NCKAP1: variants seen among roughly 807,000 people sequenced by gnomAD.
NCKAP1 encodes nck-associated protein 1.
In NCKAP1, 21 loss-of-function variants were observed where a neutral mutation model predicts 151.2. That is an observed-to-expected ratio of 0.14 (90% CI 0.10 to 0.20). NCKAP1 has a LOEUF of 0.20. Ranked by LOEUF, NCKAP1 falls within the 10% of genes least tolerant of loss-of-function variation. The probability of loss-of-function intolerance (pLI) is 1.00; values close to 1 mark genes in which losing one functional copy is unlikely to be tolerated. For missense variants in NCKAP1, 933 were observed against 1,352.1 expected (o/e 0.69, Z 4.86); for synonymous variants, 484 against 451.8 (o/e 1.07, Z -0.90).
chr2:182,961,184 A>G (rs1337695116), intron 18 of NCKAP1, among the ~76,000 whole-genome samples: 5 of 152,128 alleles, frequency 3.3e-5, no homozygotes, highest in African/African-American at 7.2e-5. Context: ...CGATTCCTCA[A>G]GGATCTAGAA....
At chr2:183,035,805 T>C (rs1239857743) in intron 1 of NCKAP1, among the ~76,000 whole-genome samples, 2 of 151,946 alleles carry the variant, frequency 1.3e-5, no homozygotes, top group African/African-American at 2.4e-5. Context: ...TTATTAAAAC[T>C]AGAGCACACA....
intron 16 of NCKAP1, among the ~76,000 whole-genome samples, chr2:182,966,132 C>A (rs1697564794): frequency 6.6e-6 from 1 of 152,242 alleles, no homozygotes; most frequent in East Asian, 1.9e-4. Flanking sequence ...TCACTATCCA[C>A]TGAGATCATT....
chr2:182,962,528 T>C (rs1697477709), intron 17 of NCKAP1, among the ~76,000 whole-genome samples: 1 of 152,070 alleles, frequency 6.6e-6, no homozygotes, highest in African/African-American at 2.4e-5. Flanking sequence ...AATCAGTATT[T>C]TGCTTAACAT....
At chr2:183,033,799 C>A (rs1699050670) in intron 1 of NCKAP1, among the ~76,000 whole-genome samples, 1 of 152,120 alleles carries the variant, frequency 6.6e-6, no homozygotes, top group Non-Finnish European at 1.5e-5. Context: ...ACATATACAA[C>A]CCTACTTACA....
Position 182,928,228 on chromosome 2 carries a change from T to A in NCKAP1, c.3071-2A>T. The stretch of plus-strand genomic sequence containing the variant: ...AGCAATGTATGTTGTTGCAATGCCC[T>A]GAGAAAATGCAAATAGGGTTGTGTA... On this transcript the variant is annotated splice_acceptor_variant, in intron 28 of 30. Coordinates refer to ENST00000361354, the MANE Select transcript of NCKAP1 (RefSeq NM_013436.5). LOFTEE classifies it high-confidence loss of function. The A allele has an allele frequency of 6.2e-7, 1 of 1,600,662 alleles. No homozygotes were observed. Among genetic ancestry groups the A allele is most frequent in the Non-Finnish European group, 8.5e-7 (1 of 1,171,052 alleles).
intron 1 of NCKAP1, among the ~76,000 whole-genome samples, chr2:183,032,120 C>T (rs1329729215): frequency 6.6e-6 from 1 of 152,084 alleles, no homozygotes; most frequent in Non-Finnish European, 1.5e-5. Flanking sequence ...GAAAAACCTT[C>T]CAAGAGGATT....
intron 17 of NCKAP1, 95 bp from the exon 18 acceptor site, chr2:182,962,373 G>T (rs1002564789): frequency 1.1e-4 from 133 of 1,238,478 alleles, no homozygotes; most frequent in Non-Finnish European, 1.4e-4. Context: ...TAGGCTAAAG[G>T]TACATTCCGC....
At chr2:182,990,685 T>C (rs1315916082) in intron 8 of NCKAP1, among the ~76,000 whole-genome samples, 1 of 152,192 alleles carries the variant, frequency 6.6e-6, no homozygotes, top group Non-Finnish European at 1.5e-5. Flanking sequence ...CCATTTTCTT[T>C]GAGACTTCCC....
intron 30 of NCKAP1, 128 bp from the exon 31 acceptor site, chr2:182,925,946 T>C: frequency 2.2e-6 from 1 of 457,606 alleles, no homozygotes; most frequent in Non-Finnish European, 3.9e-6. Flanking sequence ...TTGTTCTTAT[T>C]AGCAATAGAC....
chr2:182,952,727 A>C (rs1266015937), intron 22 of NCKAP1, 66 bp downstream of exon 22: 1 of 1,445,852 alleles, frequency 6.9e-7, no homozygotes, highest in African/African-American at 1.4e-5. Context: ...AAGTCTAAAG[A>C]ATCAAGACAC....
intron 2 of NCKAP1, 128 bp downstream of exon 2, chr2:183,023,678 A>G: frequency 1.5e-6 from 1 of 661,524 alleles, no homozygotes; most frequent in Non-Finnish European, 2.5e-6. Flanking sequence ...AAAAACCCTT[A>G]AGGTATATAA....
chr2:182,969,937 A>G (rs1559086863), intron 15 of NCKAP1, among the ~76,000 whole-genome samples: 2 of 152,174 alleles, frequency 1.3e-5, no homozygotes, highest in African/African-American at 4.8e-5. Flanking sequence ...TCAGAAATAG[A>G]AAAGGAGACA....
chr2:182,939,328 G>T (rs1336254516), intron 24 of NCKAP1, among the ~76,000 whole-genome samples: 1 of 151,992 alleles, frequency 6.6e-6, no homozygotes, highest in African/African-American at 2.4e-5. Flanking sequence ...TCAGGAGTTC[G>T]AGACCAGCCT....
intron 2 of NCKAP1, among the ~76,000 whole-genome samples, chr2:183,009,996 C>G (rs1698561826): frequency 6.6e-6 from 1 of 152,252 alleles, no homozygotes. Flanking sequence ...AACTGTTTCA[C>G]TTTATAATTA....
intron 16 of NCKAP1, among the ~76,000 whole-genome samples, chr2:182,966,873 C>T (rs1156578831): frequency 6.6e-6 from 1 of 152,150 alleles, no homozygotes; most frequent in Non-Finnish European, 1.5e-5. Flanking sequence ...AACACTTGCT[C>T]TATTTGACCT....
rs764043425 is a variant in NCKAP1, at chr2:182,995,758, C to A, written c.684G>T (p.Gln228His). ...NLSADQWRNA[Q>H]LLSLISAPST... is the part of the protein sequence containing the mutation. ...TAGGTGCACTGATGAGGCTCAATAA[C>A]TGGGCATTTCTCCACTGGTCAGCTG... Residue 228 changes from glutamine (Q) to histidine (H), a missense_variant, in exon 7 of 31, where the codon CAG becomes CAT. Physicochemically the swap from Gln to His is conservative, Grantham distance 24 (BLOSUM62 0). This residue lies in a region of NCKAP1 where 607 missense variants were observed against 795.0 expected (regional missense o/e 0.76). Coordinates refer to ENST00000361354, the MANE Select transcript of NCKAP1 (RefSeq NM_013436.5). 30 of 1,613,640 alleles carry A rather than the reference C, an allele frequency of 1.9e-5. No individual in the cohort carries two copies. The highest frequency in any genetic ancestry group is 2.5e-5 in the Non-Finnish European group (29 of 1,179,708).
At chr2:182,945,293 T>C (rs1697078866) in intron 23 of NCKAP1, among the ~76,000 whole-genome samples, 1 of 151,702 alleles carries the variant, frequency 6.6e-6, no homozygotes, top group African/African-American at 2.4e-5. Flanking sequence ...TACACGCCTA[T>C]ATTTCTCAGC....
intron 15 of NCKAP1, among the ~76,000 whole-genome samples, chr2:182,973,914 T>G (rs533409943): frequency 5.3e-5 from 8 of 152,348 alleles, no homozygotes; most frequent in Non-Finnish European, 8.8e-5. Flanking sequence ...ATAAACATAT[T>G]CTGTCTATGA....
At position 182,978,928 on chromosome 2, in the gene NCKAP1, CA is replaced by C; in HGVS notation, c.1342-14del. 1 of 1,583,944 alleles carries C rather than the reference CA, an allele frequency of 6.3e-7. No homozygotes were observed. Among genetic ancestry groups the C allele is most frequent in the Non-Finnish European group, 8.7e-7 (1 of 1,156,038 alleles). On this transcript the variant is annotated splice_polypyrimidine_tract_variant and intron_variant, in intron 13 of 30. Transcript: ENST00000361354. ...AAACAGAAAGATTCTGAAAAACAAA[CA>C]AAAAGTAACGTTAAAAACATCTATA...
Sources: gnomAD v4.1 joint callset for allele counts (sites outside exome capture counted in the v4.1 genomes callset) on GRCh38, gnomAD v4.1.1 for gene constraint, gnomAD v4.1.1 regional missense constraint, MANE v1.5 for transcripts, NCBI Gene and HGNC (gene_info 2026-07-23, HGNC 2026-07-21) for gene names.